COL23A1: variants seen among roughly 807,000 people sequenced by gnomAD.
COL23A1 encodes the protein collagen type XXIII alpha 1 chain.
A neutral mutation model predicts 99.3 loss-of-function variants in COL23A1; 97 were observed. The observed-to-expected ratio is 0.98, with a 90% CI of 0.83 to 1.16. The LOEUF (loss-of-function observed/expected upper bound fraction) is 1.16, where lower values mean the gene tolerates loss of function less well. COL23A1 is among the 50% of genes most tolerant of loss of function. The pLI is 0.00. For synonymous variants in COL23A1, 320 were observed against 308.2 expected (o/e 1.04, Z -0.40); for missense variants, 762 against 757.4 (o/e 1.01, Z -0.07).
chr5:178,398,281 C>T lies in COL23A1; in HGVS notation c.362-91362G>A, dbSNP rs140594798. 4.6e-3 allele frequency among the ~76,000 whole-genome samples: 697 copies of T among 152,272 alleles called. 2 individuals are homozygous for T. The highest frequency in any genetic ancestry group is 0.016 in the African/African-American group (663 of 41,538). On this transcript the variant is annotated intron_variant, in intron 2 of 28. Coordinates refer to ENST00000390654, the MANE Select transcript of COL23A1 (RefSeq NM_173465.4). ...TGAACAGTCTTCATGTGCTTTCACA[C>T]GTTTATTTGTAAAATAACTCCAAAG...
At chr5:178,512,205 C>T (rs1036889919) in intron 2 of COL23A1, among the ~76,000 whole-genome samples, 22 of 152,196 alleles carry the variant, frequency 1.4e-4, no homozygotes, top group Admixed American at 7.2e-4. Context: ...TTTTGGCACA[C>T]TCTTTCAATG....
In COL23A1 at chr5:178,544,917, C is replaced by T. The variant is rs576788251; in HGVS notation, c.361+15765G>A. On this transcript the variant is annotated intron_variant, in intron 2 of 28. Coordinates refer to ENST00000390654, the MANE Select transcript of COL23A1 (RefSeq NM_173465.4). The surrounding 1 kb of genome is among the most constrained non-coding windows in gnomAD (Gnocchi z 4.4). Reference sequence around the variant, plus strand: ...AACCCCGTCTCTAGAACAACAACAACAAAAAAAGAAAAATTAACAAAATTT... The same window carrying T: ...AACCCCGTCTCTAGAACAACAACAATAAAAAAAGAAAAATTAACAAAATTT... 6.6e-6 allele frequency among the ~76,000 whole-genome samples: 1 copy of T among 151,806 alleles called. No homozygotes were observed. Among genetic ancestry groups the T allele is most frequent in the African/African-American group, 2.4e-5 (1 of 41,324 alleles).
At chr5:178,238,832 G>T in intron 28 of COL23A1, 132 bp from the exon 29 acceptor site, 1 of 1,256,390 alleles carries the variant, frequency 8.0e-7, no homozygotes, top group Non-Finnish European at 1.2e-6. Context: ...CCTCTCAGTG[G>T]GCCAGTTGGG....
At chr5:178,527,174 C>T (rs1317589017) in intron 2 of COL23A1, among the ~76,000 whole-genome samples, 3 of 151,942 alleles carry the variant, frequency 2.0e-5, no homozygotes, top group East Asian at 1.9e-4. Context: ...GGCAGCAAGG[C>T]GGGGGGCCCT....
chr5:178,589,733 C>G lies in COL23A1; in HGVS notation c.294+171G>C, dbSNP rs1764169908. On this transcript the variant is annotated intron_variant, in intron 1 of 28. Transcript: ENST00000390654. The surrounding 1 kb of genome is among the most constrained non-coding windows in gnomAD (Gnocchi z 5.4). ...GCAAAACCCCTTGGGGCCGGCACCC[C>G]CTGCCTCCGCCTTGGCGCAGACGTG... 1.3e-5 allele frequency among the ~76,000 whole-genome samples: 2 copies of G among 152,226 alleles called. No homozygotes were observed. The highest frequency in any genetic ancestry group is 6.8e-3 in the Middle Eastern group (2 of 294).
chr5:178,409,789 C>T (rs116493379), intron 2 of COL23A1, among the ~76,000 whole-genome samples: 2,739 of 152,228 alleles, frequency 0.018, 80 homozygotes, highest in African/African-American at 0.062. Context: ...GATGGCATTT[C>T]GATCAGTGCT....
At chr5:178,464,010 C>T (rs1756276201) in intron 2 of COL23A1, among the ~76,000 whole-genome samples, 4 of 152,240 alleles carry the variant, frequency 2.6e-5, no homozygotes, top group Admixed American at 2.6e-4. Flanking sequence ...GCCTCCCCAA[C>T]ACCAGTTGGC....
At chr5:178,563,839 A>T (rs1436010895) in intron 1 of COL23A1, among the ~76,000 whole-genome samples, 1 of 152,072 alleles carries the variant, frequency 6.6e-6, no homozygotes, top group Non-Finnish European at 1.5e-5. Context: ...GCCAGAACTC[A>T]CGCTTTTCCC....
intron 2 of COL23A1, among the ~76,000 whole-genome samples, chr5:178,522,913 T>C (rs918957490): frequency 6.6e-6 from 1 of 151,912 alleles, no homozygotes; most frequent in African/African-American, 2.4e-5. Context: ...GGTACAATTT[T>C]AACACAGAGA....
chr5:178,401,408 A>G (rs910096293), intron 2 of COL23A1, among the ~76,000 whole-genome samples: 3 of 152,228 alleles, frequency 2.0e-5, no homozygotes, highest in Non-Finnish European at 4.4e-5. Context: ...TAAAGCATGT[A>G]GTATGATTTC....
chr5:178,444,128 C>G (rs1767033368), intron 2 of COL23A1, among the ~76,000 whole-genome samples: 1 of 152,054 alleles, frequency 6.6e-6, no homozygotes, highest in Admixed American at 6.6e-5. Flanking sequence ...ATCCCTTGAG[C>G]CCAGGAGGTC....
intron 2 of COL23A1, among the ~76,000 whole-genome samples, chr5:178,358,122 CGTGT>C (rs1032447682): frequency 1.5e-4 from 20 of 130,872 alleles, no homozygotes; most frequent in African/African-American, 5.6e-4. Context: ...TGTATGTGTA[CGTGT>C]GTACGTCTAA....
chr5:178,465,527 G>A (rs546529938), intron 2 of COL23A1, among the ~76,000 whole-genome samples: 2 of 152,256 alleles, frequency 1.3e-5, no homozygotes, highest in South Asian at 2.1e-4. Context: ...GTGCAGCCTC[G>A]AGGAGGCCCT....
chr5:178,242,107 G>T lies in COL23A1; in HGVS notation c.1516C>A (p.Arg506=). The change falls in exon 27 of 29, where the codon CGG becomes AGG. Residue 506 remains arginine (R), a synonymous_variant. Coordinates refer to ENST00000390654, the MANE Select transcript of COL23A1 (RefSeq NM_173465.4). ...GEKGERGVPG[R]KGVKGQKGEP... The stretch of plus-strand genomic sequence containing the variant: ...CCCTTCTGGCCCTTCACTCCTTTCC[G>T]GCCGGGGACCCCTCGTTCTCCCTGT... 3 of 1,553,402 alleles carry T rather than the reference G, an allele frequency of 1.9e-6. No homozygotes were observed. The highest frequency in any genetic ancestry group is 1.4e-5 in the African/African-American group (1 of 73,306).
At chr5:178,250,978 CAAAAA>C (rs558621690) in intron 17 of COL23A1, among the ~76,000 whole-genome samples, 5 of 72,092 alleles carry the variant, frequency 6.9e-5, no homozygotes, top group Non-Finnish European at 7.6e-5. Context: ...GACTCCGTCT[CAAAAA>C]AAAAAAAAAA....
At chr5:178,467,648 C>T (rs1208504254) in intron 2 of COL23A1, among the ~76,000 whole-genome samples, 2 of 152,180 alleles carry the variant, frequency 1.3e-5, no homozygotes, top group Non-Finnish European at 2.9e-5. Flanking sequence ...CAAATCCCCA[C>T]CCCACGGCAC....
In COL23A1 at chr5:178,544,681, G is replaced by A. The variant is rs143869940; in HGVS notation, c.361+16001C>T. Among the ~76,000 whole-genome samples, 235 of 152,260 alleles carry A rather than the reference G, an allele frequency of 1.5e-3. 4 individuals carry two copies. In the East Asian group the frequency reaches 0.04, roughly 26 times the overall value. On this transcript the variant is annotated intron_variant, in intron 2 of 28. Coordinates refer to ENST00000390654, the MANE Select transcript of COL23A1 (RefSeq NM_173465.4). The surrounding 1 kb of genome is among the most constrained non-coding windows in gnomAD (Gnocchi z 4.4). ...CAAATGGGAGGTGACGATCAGGGGC[G>A]GTCACCTTCCAGTCCTGTAAGTGGC...
In COL23A1 at chr5:178,365,235, C is replaced by T. The variant is rs1428399111; in HGVS notation, c.362-58316G>A. On this transcript the variant is annotated intron_variant, in intron 2 of 28. Coordinates refer to ENST00000390654, the MANE Select transcript of COL23A1 (RefSeq NM_173465.4). The surrounding 1 kb of genome is among the most constrained non-coding windows in gnomAD (Gnocchi z 5.2). ...GAACATTAGATATGGGGTCCAGCCCCAGCGCACAGGAAACCCTGCTCAGGC... is the reference window on the plus strand; with the variant it reads ...GAACATTAGATATGGGGTCCAGCCCTAGCGCACAGGAAACCCTGCTCAGGC... Among the ~76,000 whole-genome samples, 1 of 151,898 alleles carries T rather than the reference C, an allele frequency of 6.6e-6. No homozygotes were observed. The highest frequency in any genetic ancestry group is 1.5e-5 in the Non-Finnish European group (1 of 67,996).
chr5:178,302,386 TGCGCCGGAGCACG>T, intron 3 of COL23A1, among the ~76,000 whole-genome samples: 1 of 148,300 alleles, frequency 6.7e-6, no homozygotes, highest in Non-Finnish European at 1.5e-5. Flanking sequence ...CACCTGTGTG[TGCGCCGGAGCACG>T]GCTTCAATCC....
Sources: gnomAD v4.1 joint callset for allele counts (sites outside exome capture counted in the v4.1 genomes callset) on GRCh38, gnomAD v4.1.1 for gene constraint, Gnocchi (gnomAD v3.1) non-coding constraint, MANE v1.5 for transcripts, NCBI Gene and HGNC (gene_info 2026-07-23, HGNC 2026-07-21) for gene names.